ATRNL1: variants seen among roughly 807,000 people sequenced by gnomAD.
ATRNL1 encodes attractin-like protein 1.
A neutral mutation model predicts 182.7 loss-of-function variants in ATRNL1; 95 were observed. That is an observed-to-expected ratio of 0.52 (90% CI 0.44 to 0.62). The LOEUF is 0.62. Among genes scored for constraint, ATRNL1 ranks in the 20% least tolerant of loss-of-function variants. ATRNL1 has a pLI of 0.00. For missense variants in ATRNL1, 1,471 were observed against 1,679.5 expected (o/e 0.88, Z 2.17); for synonymous variants, 576 against 568.3 (o/e 1.01, Z -0.19).
At chr10:115,507,111 G>C (rs1850153377) in intron 24 of ATRNL1, among the ~76,000 whole-genome samples, 1 of 152,082 alleles carries the variant, frequency 6.6e-6, no homozygotes, top group Admixed American at 6.6e-5. Flanking sequence ...ACTTGAAGCA[G>C]GGAGGGGGCT....
chr10:115,311,340 C>G (rs1854015037), intron 17 of ATRNL1, among the ~76,000 whole-genome samples: 1 of 152,116 alleles, frequency 6.6e-6, no homozygotes, highest in African/African-American at 2.4e-5. Context: ...CAGGCACATG[C>G]CAGCATACCT....
At chr10:115,199,648 G>A (rs1310653626) in intron 8 of ATRNL1, among the ~76,000 whole-genome samples, 1 of 152,110 alleles carries the variant, frequency 6.6e-6, no homozygotes, top group South Asian at 2.1e-4. Context: ...TGTAGATAAT[G>A]TAGGGTTGGG....
At chr10:115,756,267 G>T (rs2907522) in intron 27 of ATRNL1, among the ~76,000 whole-genome samples, 144,596 of 152,210 alleles carry the variant, frequency 0.95, 69,104 homozygotes, top group East Asian at 1. Context: ...GGGAGTCAAT[G>T]TTAGATCTTT....
intron 8 of ATRNL1, among the ~76,000 whole-genome samples, chr10:115,195,480 C>T (rs868965986): frequency 2.6e-5 from 4 of 152,158 alleles, no homozygotes; most frequent in Middle Eastern, 6.8e-3. Flanking sequence ...CCAGATATGT[C>T]AGGGATTCTT....
At chr10:115,927,934 G>A (rs1555120686) in intron 28 of ATRNL1, among the ~76,000 whole-genome samples, 1 of 152,070 alleles carries the variant, frequency 6.6e-6, no homozygotes, top group East Asian at 1.9e-4. Context: ...AAACTAGTCA[G>A]TACTTGAAAA....
At chr10:115,926,471 G>A (rs1349798672) in intron 28 of ATRNL1, among the ~76,000 whole-genome samples, 2 of 152,026 alleles carry the variant, frequency 1.3e-5, no homozygotes, top group African/African-American at 2.4e-5. Flanking sequence ...ATGAATCTAG[G>A]TGCTGGTTTT....
intron 24 of ATRNL1, among the ~76,000 whole-genome samples, chr10:115,516,669 A>T (rs1472983791): frequency 1.3e-5 from 2 of 151,818 alleles, no homozygotes; most frequent in African/African-American, 2.4e-5. Flanking sequence ...TTCTAATCTG[A>T]ATTTATTTAC....
intron 26 of ATRNL1, among the ~76,000 whole-genome samples, chr10:115,695,136 A>G (rs1555049376): frequency 6.6e-6 from 1 of 152,128 alleles, no homozygotes; most frequent in African/African-American, 2.4e-5. Flanking sequence ...TTAAAAGAAA[A>G]GAAAAAAAAG....
intron 21 of ATRNL1, among the ~76,000 whole-genome samples, chr10:115,438,073 C>A (rs111711364): frequency 0.013 from 1,955 of 152,034 alleles, 16 homozygotes; most frequent in Middle Eastern, 0.037. Flanking sequence ...AGTGGAAAAG[C>A]AAATTATTAA....
chr10:115,929,777 CA>C (rs1953341069), intron 28 of ATRNL1, among the ~76,000 whole-genome samples: 1 of 152,040 alleles, frequency 6.6e-6, no homozygotes, highest in African/African-American at 2.4e-5. Context: ...ACTTTTATCT[CA>C]AAGCTAATTT....
At chr10:115,373,881 T>G (rs1554948768) in intron 19 of ATRNL1, among the ~76,000 whole-genome samples, 1 of 151,920 alleles carries the variant, frequency 6.6e-6, no homozygotes, top group Non-Finnish European at 1.5e-5. Flanking sequence ...GCTGGCCATA[T>G]AAAAATGAGT....
chr10:115,169,445 G>GTTCC (rs1847197882), intron 7 of ATRNL1, among the ~76,000 whole-genome samples: 1 of 152,056 alleles, frequency 6.6e-6, no homozygotes, highest in Non-Finnish European at 1.5e-5. Context: ...CTGACCTCAA[G>GTTCC]TGATCCACTC....
At chr10:115,787,678 T>TAA (rs113984892) in intron 27 of ATRNL1, among the ~76,000 whole-genome samples, 11 of 151,510 alleles carry the variant, frequency 7.3e-5, no homozygotes, top group African/African-American at 2.4e-4. Flanking sequence ...TGTTGTTGGC[T>TAA]AAAAAAAAAT....
In ATRNL1 at chr10:115,547,070, A is replaced by G. The variant is rs143554293; in HGVS notation, c.3717-2388A>G. 8.3e-3 allele frequency among the ~76,000 whole-genome samples: 1,264 copies of G among 151,980 alleles called. 17 individuals carry two copies. Among genetic ancestry groups the G allele is most frequent in the African/African-American group, 0.029 (1,203 of 41,448 alleles). On this transcript the variant is annotated intron_variant, in intron 25 of 28. Transcript: ENST00000355044. ...TGAGTTCGAGTGCAGCCTGGCCAAC[A>G]TGGTGAAACCCCATCTCTACTAAAA...
chr10:115,829,688 G>A (rs1287715744), intron 27 of ATRNL1, among the ~76,000 whole-genome samples: 1 of 151,976 alleles, frequency 6.6e-6, no homozygotes, highest in Non-Finnish European at 1.5e-5. Flanking sequence ...TTCCACTTCA[G>A]TAGTTGCAAA....
chr10:115,814,983 T>C (rs1258307785), intron 27 of ATRNL1, among the ~76,000 whole-genome samples: 5 of 152,160 alleles, frequency 3.3e-5, no homozygotes, highest in African/African-American at 1.2e-4. Flanking sequence ...ATATTACATA[T>C]CTTAGTTTCA....
intron 26 of ATRNL1, among the ~76,000 whole-genome samples, chr10:115,669,452 G>T (rs1391904329): frequency 6.6e-6 from 1 of 152,088 alleles, no homozygotes. Flanking sequence ...TTATCATAAG[G>T]TAAATGCCAA....
At chr10:115,824,906 G>A (rs538657782) in intron 27 of ATRNL1, among the ~76,000 whole-genome samples, 69 of 152,254 alleles carry the variant, frequency 4.5e-4, no homozygotes, top group Non-Finnish European at 5.4e-4. Context: ...TCCCAAAGGA[G>A]TTTAAATCAT....
intron 26 of ATRNL1, chr10:115,597,721 A>G: frequency 2.2e-6 from 1 of 445,878 alleles, no homozygotes; most frequent in Non-Finnish European, 4.5e-6. Context: ...TAATTTTTGT[A>G]TTTTTTAGTA....
Sources: gnomAD v4.1 joint callset for allele counts (sites outside exome capture counted in the v4.1 genomes callset) on GRCh38, gnomAD v4.1.1 for gene constraint, MANE v1.5 for transcripts, NCBI Gene and HGNC (gene_info 2026-07-23, HGNC 2026-07-21) for gene names.